ADD3: variants seen among roughly 807,000 people sequenced by gnomAD.
The protein encoded by ADD3 is adducin 3, also known as gamma-adducin.
ADD3 carries 25 observed loss-of-function variants against 80.2 expected under a neutral mutation model. The observed-to-expected ratio is 0.31, with a 90% confidence interval of 0.23 to 0.44. The LOEUF is 0.44. Ranked by LOEUF, ADD3 falls within the 20% of genes least tolerant of loss-of-function variation. The pLI, the probability that ADD3 is intolerant of heterozygous loss-of-function variation, is 1.00. For synonymous variants in ADD3, 284 were observed against 289.6 expected (o/e 0.98, Z 0.20); for missense variants, 829 against 847.5 (o/e 0.98, Z 0.27).
At position 110,103,406 on chromosome 10, in the gene ADD3, A is replaced by T. The variant is rs187216227; in HGVS notation, c.195+2558A>T. On this transcript the variant is annotated intron_variant, in intron 2 of 14. Coordinates refer to ENST00000356080, the MANE Select transcript of ADD3 (RefSeq NM_016824.5). The stretch of plus-strand genomic sequence containing the variant: ...TAGCCAGGGCTGCTGTCATTTGAAC[A>T]CTTTACTGGGGCTGGAGGATCCACT... Among the ~76,000 whole-genome samples, 341 of 152,282 alleles carry T rather than the reference A, an allele frequency of 2.2e-3. 4 individuals are homozygous for T. Among genetic ancestry groups the T allele is most frequent in the Non-Finnish European group, 1.7e-3 (114 of 68,028 alleles).
chr10:110,109,082 A>T (rs916785587), intron 2 of ADD3, among the ~76,000 whole-genome samples: 11 of 152,224 alleles, frequency 7.2e-5, no homozygotes, highest in Non-Finnish European at 1.5e-4. Context: ...TAAAAAGAGC[A>T]TTGGACTTGT....
intron 1 of ADD3, among the ~76,000 whole-genome samples, chr10:109,998,851 T>C (rs754022519): frequency 2.8e-5 from 4 of 144,752 alleles, no homozygotes; most frequent in Admixed American, 1.4e-4. Flanking sequence ...TCCCCCACCC[T>C]AGTCATTGTC....
Position 110,134,012 on chromosome 10 carries a change from A to G in ADD3, c.*394A>G, listed in dbSNP as rs1177668169. On this transcript the variant is annotated 3_prime_UTR_variant, in exon 15 of 15. Transcript: ENST00000356080. ...GATAATCATATTATAATTTTTTATC[A>G]TGATTATTGACTATATTTTTGGAGT... 6.5e-6 allele frequency: 1 copy of G among 154,214 alleles called. No individual in the cohort carries two copies. The highest frequency in any genetic ancestry group is 1.4e-5 in the Non-Finnish European group (1 of 69,226). 9.6% of individuals were successfully genotyped at this position (154,214 alleles called of 1,614,324 possible). A position where few individuals can be genotyped will look rare whatever the true frequency, so the allele number is the denominator to read the frequency against.
At position 110,100,924 on chromosome 10, in the gene ADD3, A is replaced by C. The variant is rs1848742217; in HGVS notation, c.195+76A>C. ...TATAATAAGGTAGAAGTTTTCTCAA[A>C]CTACCCTCAGGTTAAAAGAGGGGTG... On this transcript the variant is annotated intron_variant, in intron 2 of 14. Transcript: ENST00000356080. The C allele has an allele frequency of 3.7e-6, 5 of 1,367,658 alleles. No individual in the cohort carries two copies. The South Asian group carries it at 8.1e-5, about 22-fold the overall frequency. The allele number at this position is 1,367,658 out of a possible 1,614,324, so 84.7% of individuals were successfully genotyped here.
intron 6 of ADD3, 37 bp from the exon 7 acceptor site, chr10:110,119,174 C>T (rs1851152513): frequency 6.2e-7 from 1 of 1,608,652 alleles, no homozygotes; most frequent in Non-Finnish European, 8.5e-7. Context: ...TATTTAGTAA[C>T]CAAATGTGTT....
chr10:110,118,693 A>T lies in ADD3; in HGVS notation c.674A>T (p.Asp225Val). Residue 225 changes from aspartate to valine, a missense_variant, in exon 6 of 15, where the codon GAT becomes GTT. Asp to Val is a radical substitution (Grantham distance 152). Transcript: ENST00000356080. ...GCTGCAATCTATTCAACACGTCCTG[A>T]TGTTAAGTGTGTGATACACATCCAT... ...PHAAIYSTRPDVKCVIHIHTL... is the reference protein window; with the variant it reads ...PHAAIYSTRPVVKCVIHIHTL... 6.2e-7 allele frequency: 1 copy of T among 1,614,134 alleles called. No individual in the cohort carries two copies. The highest frequency in any genetic ancestry group is 1.1e-5 in the South Asian group (1 of 91,082).
At chr10:110,113,359 G>T (rs1011926355) in intron 3 of ADD3, among the ~76,000 whole-genome samples, 1 of 151,984 alleles carries the variant, frequency 6.6e-6, no homozygotes, top group Non-Finnish European at 1.5e-5. Flanking sequence ...CCTCCACCTC[G>T]CAGGTTCAAG....
At position 110,119,574 on chromosome 10, in the gene ADD3, A is replaced by G. The variant is rs567558965; in HGVS notation, c.960+10A>G. ...AGCCTGTGAGATTCAGGTAGGAAAC[A>G]TTATTCCCCTTTTTTAATTGCTTTG... On this transcript the variant is annotated intron_variant, in intron 8 of 14. Coordinates refer to ENST00000356080, the MANE Select transcript of ADD3 (RefSeq NM_016824.5). 1 of 1,601,028 alleles carries G rather than the reference A, an allele frequency of 6.2e-7. No homozygotes were observed. The highest frequency in any genetic ancestry group is 1.1e-5 in the South Asian group (1 of 89,754).
At chr10:110,110,072 A>G (rs752608391) in intron 2 of ADD3, among the ~76,000 whole-genome samples, 4 of 152,224 alleles carry the variant, frequency 2.6e-5, no homozygotes, top group Non-Finnish European at 5.9e-5. Context: ...GAATTTGTAA[A>G]AAGAAAAGCC....
At chr10:110,066,571 AT>A (rs879573980) in intron 1 of ADD3, among the ~76,000 whole-genome samples, 3 of 151,238 alleles carry the variant, frequency 2.0e-5, no homozygotes, top group Admixed American at 6.6e-5. Context: ...TAAGGGATAG[AT>A]TTTTTTTTCT....
At chr10:110,130,255 G>A (rs1269663443) in intron 12 of ADD3, 108 bp from the exon 13 acceptor site, 2 of 1,112,270 alleles carry the variant, frequency 1.8e-6, no homozygotes, top group Admixed American at 4.2e-5. Context: ...TGTGAAATAA[G>A]GCTTCACAAA....
At chr10:110,046,283 T>C (rs1856897354) in intron 1 of ADD3, among the ~76,000 whole-genome samples, 1 of 152,206 alleles carries the variant, frequency 6.6e-6, no homozygotes, top group African/African-American at 2.4e-5. Context: ...TCTTAGTATT[T>C]TCTATAGCTT....
chr10:110,134,025 A>G lies in ADD3; in HGVS notation c.*407A>G, dbSNP rs1397453457. 2 of 153,426 alleles carry G rather than the reference A, an allele frequency of 1.3e-5. No individual in the cohort carries two copies. The highest frequency in any genetic ancestry group is 2.9e-5 in the Non-Finnish European group (2 of 68,666). 9.5% of individuals were successfully genotyped at this position (153,426 alleles called of 1,614,324 possible). On this transcript the variant is annotated 3_prime_UTR_variant, in exon 15 of 15. Coordinates refer to ENST00000356080, the MANE Select transcript of ADD3 (RefSeq NM_016824.5). Reference sequence around the variant, plus strand: ...TAATTTTTTATCATGATTATTGACTATATTTTTGGAGTCCCATTGTTTCAG... The same window carrying G: ...TAATTTTTTATCATGATTATTGACTGTATTTTTGGAGTCCCATTGTTTCAG...
chr10:110,025,736 G>C (rs961556409), intron 1 of ADD3, among the ~76,000 whole-genome samples: 1 of 152,120 alleles, frequency 6.6e-6, no homozygotes, highest in Non-Finnish European at 1.5e-5. Context: ...TCCTGCCTCT[G>C]TCCAGTGCTT....
At chr10:110,118,414 C>T (rs1356393915) in intron 5 of ADD3, among the ~76,000 whole-genome samples, 173 bp from the exon 6 acceptor site, 1 of 152,176 alleles carries the variant, frequency 6.6e-6, no homozygotes, top group African/African-American at 2.4e-5. Context: ...TTGTTTATGG[C>T]TGCTTTTGTA....
intron 1 of ADD3, among the ~76,000 whole-genome samples, chr10:110,056,342 ATTCCT>A (rs1858190156): frequency 6.6e-6 from 1 of 152,232 alleles, no homozygotes; most frequent in African/African-American, 2.4e-5. Flanking sequence ...TAATCAACTG[ATTCCT>A]TTAATGATTA....
intron 2 of ADD3, among the ~76,000 whole-genome samples, chr10:110,103,422 A>G (rs1173686931): frequency 6.6e-6 from 1 of 152,200 alleles, no homozygotes; most frequent in Non-Finnish European, 1.5e-5. Flanking sequence ...CTGGGGCTGG[A>G]GGATCCACTC....
rs200035328 is a variant in ADD3 at position 110,133,431 on chromosome 10, G to A, written c.1934G>A (p.Arg645Gln). The part of the protein sequence containing the change: ...MHDVEDELAK[R>Q]VSRLSTSTTI... ...GATGTTGAAGATGAGCTTGCTAAGC[G>A]AGTGAGTAGGTTAAGCACAAGTACA... The change falls in exon 15 of 15, where the codon CGA becomes CAA. Residue 645 changes from arginine (R) to glutamine (Q), a missense_variant. By Grantham distance (43) the Arg-to-Gln change is conservative (BLOSUM62 1). Transcript: ENST00000356080. 2.0e-4 allele frequency: 316 copies of A among 1,613,796 alleles called. No homozygotes were observed. The highest frequency in any genetic ancestry group is 3.3e-4 in the Middle Eastern group (2 of 6,056).
intron 1 of ADD3, among the ~76,000 whole-genome samples, chr10:110,017,839 C>T (rs1853179256): frequency 6.6e-6 from 1 of 152,152 alleles, no homozygotes; most frequent in Non-Finnish European, 1.5e-5. Flanking sequence ...TACCTGACTA[C>T]TATTATGAGT....
Sources: gnomAD v4.1 joint callset for allele counts (sites outside exome capture counted in the v4.1 genomes callset) on GRCh38, gnomAD v4.1.1 for gene constraint, MANE v1.5 for transcripts, NCBI Gene and HGNC (gene_info 2026-07-23, HGNC 2026-07-21) for gene names.